Variants in TIMP2 observed in about 807,000 individuals in gnomAD.
The protein encoded by TIMP2 is TIMP metallopeptidase inhibitor 2, also known as metalloproteinase inhibitor 2.
Under a neutral mutation model 24.3 loss-of-function variants are expected in TIMP2, and 5 were observed. That is an observed-to-expected ratio of 0.21 (90% CI 0.11 to 0.43). The LOEUF is 0.43. Ranked by LOEUF, TIMP2 falls within the 20% of genes least tolerant of loss-of-function variation. The probability of loss-of-function intolerance (pLI) is 1.00; values close to 1 mark genes in which losing one functional copy is unlikely to be tolerated. For synonymous variants in TIMP2, 130 were observed against 123.2 expected, an observed-to-expected ratio of 1.06 and a Z score of -0.37; for missense variants, 221 against 297.5, an observed-to-expected ratio of 0.74 and a Z score of 1.89.
At chr17:78,893,456 C>G (rs2069948321) in intron 1 of TIMP2, among the ~76,000 whole-genome samples, 1 of 116,562 alleles carries the variant, frequency 8.6e-6, no homozygotes, top group African/African-American at 3.5e-5. Flanking sequence ...GCTGTGTGTG[C>G]AGGGGTGTGT....
chr17:78,925,098 G>A lies in TIMP2; in HGVS notation c.-10C>T. The A allele has an allele frequency of 2.0e-6, 2 of 978,254 alleles. No homozygotes were observed. Among genetic ancestry groups the A allele is most frequent in the Non-Finnish European group, 1.2e-6 (1 of 822,532 alleles). 60.6% of individuals were successfully genotyped at this position (978,254 alleles called of 1,614,324 possible). The stretch of plus-strand genomic sequence containing the variant: ...GGGCCGCGGCGCCCATGGCGGGCCG[G>A]GGGGCTGGGCGGGCGGGGGCCGCCG... On this transcript the variant is annotated 5_prime_UTR_variant, in exon 1 of 5. Coordinates refer to ENST00000262768, the MANE Select transcript of TIMP2 (RefSeq NM_003255.5).
chr17:78,907,762 A>G (rs1193669181), intron 1 of TIMP2, among the ~76,000 whole-genome samples: 2 of 152,192 alleles, frequency 1.3e-5, no homozygotes, highest in African/African-American at 2.4e-5. Context: ...AAACAGGTGC[A>G]CCCATGGAAT....
At chr17:78,888,253 G>A (rs142600740) in intron 1 of TIMP2, among the ~76,000 whole-genome samples, 75 of 150,750 alleles carry the variant, frequency 5.0e-4, no homozygotes, top group African/African-American at 1.8e-3. Context: ...TCCACCTCCC[G>A]GATTCAAGCA....
At chr17:78,877,558 G>GCAAGCCTCTT (rs2069738800) in intron 1 of TIMP2, among the ~76,000 whole-genome samples, 1 of 28,978 alleles carries the variant, frequency 3.5e-5, no homozygotes, top group Admixed American at 6.6e-4. Context: ...TTTAAAAAAA[G>GCAAGCCTCTT]AAAAGAAAGA....
chr17:78,862,073 C>T (rs771528029), intron 3 of TIMP2, among the ~76,000 whole-genome samples: 4 of 152,036 alleles, frequency 2.6e-5, no homozygotes, highest in African/African-American at 4.8e-5. Context: ...AAATTTGTAA[C>T]GAAGGGTTGT....
intron 1 of TIMP2, among the ~76,000 whole-genome samples, chr17:78,921,003 G>T (rs573834608): frequency 6.6e-6 from 1 of 152,322 alleles, no homozygotes; most frequent in East Asian, 1.9e-4. Flanking sequence ...TGACAATACA[G>T]ATCGATCACA....
intron 3 of TIMP2, among the ~76,000 whole-genome samples, chr17:78,869,877 C>T (rs1489405239): frequency 6.6e-6 from 1 of 152,152 alleles, no homozygotes; most frequent in African/African-American, 2.4e-5. Flanking sequence ...ACCTTGAAAA[C>T]ATGATGCTAC....
At chr17:78,921,838 G>A (rs547653619) in intron 1 of TIMP2, among the ~76,000 whole-genome samples, 2 of 152,278 alleles carry the variant, frequency 1.3e-5, no homozygotes, top group East Asian at 3.9e-4. Context: ...CCTACCAACT[G>A]CAAGAGCTGC....
chr17:78,888,769 G>A (rs749443533), intron 1 of TIMP2, among the ~76,000 whole-genome samples: 33 of 152,216 alleles, frequency 2.2e-4, no homozygotes, highest in Non-Finnish European at 3.4e-4. Context: ...GAGGCAGCAG[G>A]GGGATGGAAA....
intron 2 of TIMP2, among the ~76,000 whole-genome samples, chr17:78,872,590 A>C (rs927158584): frequency 4.6e-5 from 7 of 152,198 alleles, no homozygotes. Context: ...TGTACCAGGA[A>C]AGGTTATGTT....
chr17:78,864,777 T>C (rs897676171), intron 3 of TIMP2, among the ~76,000 whole-genome samples: 1 of 152,038 alleles, frequency 6.6e-6, no homozygotes, highest in Non-Finnish European at 1.5e-5. Flanking sequence ...ACCAGCCGGG[T>C]GCAGTGGTTC....
rs2070338057 is a variant in TIMP2 at position 78,924,934 on chromosome 17, G to T, written c.130+25C>A. On this transcript the variant is annotated intron_variant, in intron 1 of 4. Transcript: ENST00000262768. The surrounding 1 kb of genome is among the most constrained non-coding windows in gnomAD (Gnocchi z 5.3). ...TCGCGGGGGAGGTGGGGCCCCGCGCGGGGGCTGGGGTCGCCGCTCCTTACC... is the reference window on the plus strand; with the variant it reads ...TCGCGGGGGAGGTGGGGCCCCGCGCTGGGGCTGGGGTCGCCGCTCCTTACC... 3 of 1,222,792 alleles carry T rather than the reference G, an allele frequency of 2.5e-6. No homozygotes were observed. In the East Asian group the frequency reaches 1.0e-4, roughly 42 times the overall value. 75.7% of individuals were successfully genotyped at this position (1,222,792 alleles called of 1,614,324 possible). A position where few individuals can be genotyped will look rare whatever the true frequency, so the allele number is the denominator to read the frequency against.
chr17:78,874,164 T>C (rs1307704258), intron 1 of TIMP2: 2 of 487,242 alleles, frequency 4.1e-6, no homozygotes, highest in East Asian at 3.5e-5. Context: ...CCCTTCTTTG[T>C]TGACAGGGGC....
chr17:78,866,761 A>C (rs1291278838), intron 3 of TIMP2, among the ~76,000 whole-genome samples: 1 of 152,160 alleles, frequency 6.6e-6, no homozygotes. Flanking sequence ...CCTTGGAAAC[A>C]CGAAAGAAGC....
chr17:78,890,920 C>T (rs1326722767), intron 1 of TIMP2: 1 of 1,550,822 alleles, frequency 6.4e-7, no homozygotes. Flanking sequence ...TTTCCAAGCT[C>T]ATATCTGGGT....
intron 1 of TIMP2, among the ~76,000 whole-genome samples, chr17:78,900,499 C>T (rs993062700): frequency 6.6e-6 from 1 of 150,944 alleles, no homozygotes; most frequent in Non-Finnish European, 1.5e-5. Flanking sequence ...GAGCCAAGAT[C>T]GCACCACTGT....
chr17:78,870,415 C>CA (rs899523959), intron 3 of TIMP2, among the ~76,000 whole-genome samples: 9 of 46,996 alleles, frequency 1.9e-4, no homozygotes, highest in Admixed American at 5.6e-4. Context: ...CACTCTGTCT[C>CA]AAAAAAAAAG....
At chr17:78,902,163 G>A (rs1202873661) in intron 1 of TIMP2, among the ~76,000 whole-genome samples, 2 of 152,198 alleles carry the variant, frequency 1.3e-5, no homozygotes, top group Non-Finnish European at 2.9e-5. Flanking sequence ...CTGGAGTGCA[G>A]TGGTGCGATC....
Position 78,870,964 on chromosome 17 carries a change from C to T in TIMP2, c.274G>A (p.Ala92Thr), listed in dbSNP as rs2069677741. 3 of 1,613,620 alleles carry T rather than the reference C, an allele frequency of 1.9e-6. No individual in the cohort carries two copies. Among genetic ancestry groups the T allele is most frequent in the African/African-American group, 1.3e-5 (1 of 74,908 alleles). Residue 92 changes from alanine (A) to threonine (T), a missense_variant, in exon 3 of 5, where the codon GCC becomes ACC. Transcript: ENST00000262768. ...PEKDIEFIYTAPSSAVCGVSL... is the reference protein window; with the variant it reads ...PEKDIEFIYTTPSSAVCGVSL... ...ACCCCACACACTGCCGAGGAGGGGG[C>T]CGTGTAGATAAACTCTATATCCTTC...
Sources: gnomAD v4.1 joint callset for allele counts (sites outside exome capture counted in the v4.1 genomes callset) on GRCh38, gnomAD v4.1.1 for gene constraint, Gnocchi (gnomAD v3.1) non-coding constraint, MANE v1.5 for transcripts, NCBI Gene and HGNC (gene_info 2026-07-23, HGNC 2026-07-21) for gene names.